RBFOX1: variants seen among roughly 807,000 people sequenced by gnomAD.
The protein encoded by RBFOX1 is RNA binding fox-1 homolog 1, also known as RNA binding protein fox-1 homolog 1.
Under a neutral mutation model 57.7 loss-of-function variants are expected in RBFOX1, and 8 were observed. The observed-to-expected ratio is 0.14, with a 90% CI of 0.08 to 0.25. The LOEUF (loss-of-function observed/expected upper bound fraction) is 0.25. Among genes scored for constraint, RBFOX1 ranks in the 10% least tolerant of loss-of-function variants. RBFOX1 has a pLI of 1.00. For missense variants in RBFOX1, 611 were observed against 548.5 expected (o/e 1.11, Z -1.14); for synonymous variants, 326 against 222.4 (o/e 1.47, Z -4.15).
chr16:6,081,414 C>A (rs778466524), intron 1 of RBFOX1, among the ~76,000 whole-genome samples: 1 of 152,110 alleles, frequency 6.6e-6, no homozygotes, highest in African/African-American at 2.4e-5. Flanking sequence ...GTGAATTTGC[C>A]TACACATTTT....
intron 2 of RBFOX1, among the ~76,000 whole-genome samples, chr16:6,351,343 T>G (rs1023425123): frequency 3.8e-5 from 4 of 104,426 alleles, no homozygotes; most frequent in Non-Finnish European, 7.0e-5. Flanking sequence ...TGTGTGTGTG[T>G]GTGTGTGTGT....
chr16:6,906,543 T>C (rs2070007676), intron 3 of RBFOX1, among the ~76,000 whole-genome samples: 1 of 152,150 alleles, frequency 6.6e-6, no homozygotes, highest in African/African-American at 2.4e-5. Context: ...AACTTTTCTT[T>C]ATGGTTTTGT....
chr16:6,693,110 C>T (rs1233791928), intron 3 of RBFOX1, among the ~76,000 whole-genome samples: 2 of 151,534 alleles, frequency 1.3e-5, no homozygotes, highest in African/African-American at 4.9e-5. Context: ...TCATCCTCAT[C>T]CTCCCCCACC....
chr16:7,321,326 T>A (rs1383037643), intron 4 of RBFOX1, among the ~76,000 whole-genome samples: 2 of 152,010 alleles, frequency 1.3e-5, no homozygotes, highest in Admixed American at 1.3e-4. Flanking sequence ...TTGTGTTTTT[T>A]ATAGAGACAG....
intron 4 of RBFOX1, among the ~76,000 whole-genome samples, chr16:7,470,738 C>T (rs1477811744): frequency 6.6e-6 from 1 of 151,880 alleles, no homozygotes; most frequent in African/African-American, 2.4e-5. Flanking sequence ...AGAGGATGAG[C>T]CCAAGCAGAT....
intron 3 of RBFOX1, among the ~76,000 whole-genome samples, chr16:5,845,314 C>A (rs1367328688): frequency 6.6e-6 from 1 of 152,162 alleles, no homozygotes; most frequent in Non-Finnish European, 1.5e-5. Flanking sequence ...TCTTCTGGAC[C>A]AATTACCCAG....
chr16:5,812,407 A>T (rs984606984), intron 3 of RBFOX1, among the ~76,000 whole-genome samples: 3 of 151,708 alleles, frequency 2.0e-5, no homozygotes, highest in African/African-American at 7.3e-5. Flanking sequence ...CCAGCAGTCT[A>T]TAAAAGTTCT....
intron 4 of RBFOX1, among the ~76,000 whole-genome samples, chr16:7,064,076 T>C (rs578066528): frequency 6.6e-6 from 1 of 152,040 alleles, no homozygotes; most frequent in Non-Finnish European, 1.5e-5. Flanking sequence ...AGAATGTGAC[T>C]GTACTTGAAG....
intron 4 of RBFOX1, among the ~76,000 whole-genome samples, chr16:7,399,139 A>C (rs2098193156): frequency 6.6e-6 from 1 of 152,222 alleles, no homozygotes; most frequent in Admixed American, 6.5e-5. Flanking sequence ...ATGAAAGTTG[A>C]AATTATATTT....
At chr16:6,486,798 G>T (rs1361068254) in intron 2 of RBFOX1, among the ~76,000 whole-genome samples, 1 of 151,990 alleles carries the variant, frequency 6.6e-6, no homozygotes, top group Non-Finnish European at 1.5e-5. Flanking sequence ...ATGCAGGGTT[G>T]TGTGTTTGTG....
chr16:6,378,030 G>A (rs1009217960), intron 2 of RBFOX1, among the ~76,000 whole-genome samples: 19 of 152,064 alleles, frequency 1.2e-4, no homozygotes, highest in African/African-American at 3.6e-4. Context: ...CTTCCTCTGC[G>A]TCCTCTGGTC....
chr16:6,647,204 C>T (rs1467914623), intron 2 of RBFOX1, among the ~76,000 whole-genome samples: 1 of 152,090 alleles, frequency 6.6e-6, no homozygotes, highest in African/African-American at 2.4e-5. Context: ...AATGAGTGAG[C>T]TCTCTGGTGT....
chr16:7,396,791 A>T (rs565166418), intron 4 of RBFOX1, among the ~76,000 whole-genome samples: 1 of 152,174 alleles, frequency 6.6e-6, no homozygotes, highest in East Asian at 1.9e-4. Flanking sequence ...AATACAATCA[A>T]TTAGCCAGGT....
chr16:5,562,327 C>T (rs1333732672), intron 2 of RBFOX1, among the ~76,000 whole-genome samples: 1 of 152,176 alleles, frequency 6.6e-6, no homozygotes, highest in Non-Finnish European at 1.5e-5. Flanking sequence ...CCCGAGAAAG[C>T]TGCCTGTTTC....
At position 5,931,528 on chromosome 16, in the gene RBFOX1, T is replaced by C. The variant is rs35893913; in HGVS notation, c.351+64193T>C. Among the ~76,000 whole-genome samples the C allele has an allele frequency of 8.3e-3, 1,271 of 152,270 alleles. 13 individuals are homozygous for C. The highest frequency in any genetic ancestry group is 0.038 in the Middle Eastern group (11 of 292). ...AGATGCCCACCGTAGCCCTGCATGC[T>C]CAACCACATTCTGACTTAATGTGTA... On this transcript the variant is annotated intron_variant, in intron 4 of 19. Transcript: ENST00000641259.
intron 4 of RBFOX1, among the ~76,000 whole-genome samples, chr16:7,435,805 C>G (rs1349429386): frequency 2.6e-5 from 4 of 152,136 alleles, no homozygotes; most frequent in Admixed American, 1.3e-4. Flanking sequence ...GATCCTGTGT[C>G]AAAGAAATTA....
chr16:6,903,737 TC>T (rs2069058380), intron 3 of RBFOX1, among the ~76,000 whole-genome samples: 2 of 152,044 alleles, frequency 1.3e-5, no homozygotes, highest in Admixed American at 1.3e-4. Flanking sequence ...TAATAGGACC[TC>T]AAAAGAAAGA....
intron 2 of RBFOX1, among the ~76,000 whole-genome samples, chr16:6,523,697 A>G (rs1205737653): frequency 6.6e-6 from 1 of 152,210 alleles, no homozygotes; most frequent in Non-Finnish European, 1.5e-5. Flanking sequence ...AATCTGTTAA[A>G]GAACTTCAAA....
chr16:7,108,453 T>C (rs996808337), intron 4 of RBFOX1, among the ~76,000 whole-genome samples: 1 of 152,194 alleles, frequency 6.6e-6, no homozygotes. Context: ...ATACAATTGA[T>C]TCATCCATTC....
Sources: allele counts gnomAD v4.1 joint callset (sites outside exome capture counted in the v4.1 genomes callset), GRCh38; gene constraint gnomAD v4.1.1; transcripts MANE v1.5; gene names NCBI Gene and HGNC (gene_info 2026-07-23, HGNC 2026-07-21).